KCNQ3: variants seen among roughly 807,000 people sequenced by gnomAD.
The protein encoded by KCNQ3 is potassium voltage-gated channel subfamily Q member 3.
KCNQ3 carries 30 observed loss-of-function variants against 92.5 expected under a neutral mutation model. The observed-to-expected ratio is 0.32, with a 90% CI of 0.24 to 0.44. The LOEUF is 0.44. KCNQ3 is among the 20% of genes least tolerant of loss of function. The pLI, the probability that KCNQ3 is intolerant of heterozygous loss-of-function variation, is 1.00. For missense variants in KCNQ3, 913 were observed against 1,140.3 expected (o/e 0.80, Z 2.87); for synonymous variants, 450 against 468.8 (o/e 0.96, Z 0.52).
intron 8 of KCNQ3, among the ~76,000 whole-genome samples, chr8:132,169,372 C>A (rs1385591136): frequency 6.6e-6 from 1 of 152,132 alleles, no homozygotes; most frequent in Non-Finnish European, 1.5e-5. Flanking sequence ...ATAATGAACT[C>A]GAATGCCTAG....
chr8:132,174,103 A>C, intron 6 of KCNQ3, 136 bp downstream of exon 6: 1 of 723,700 alleles, frequency 1.4e-6, no homozygotes, highest in South Asian at 1.5e-5. Context: ...AGGCAGGATC[A>C]TCATGCTTAA....
chr8:132,311,339 G>T (rs1352680027), intron 1 of KCNQ3, among the ~76,000 whole-genome samples: 2 of 150,884 alleles, frequency 1.3e-5, no homozygotes, highest in African/African-American at 4.9e-5. Flanking sequence ...ACAGCAAAAA[G>T]ATACCACCAA....
At chr8:132,456,464 GGTGTGT>G (rs34858367) in intron 1 of KCNQ3, among the ~76,000 whole-genome samples, 1 of 149,316 alleles carries the variant, frequency 6.7e-6, no homozygotes, top group Admixed American at 6.7e-5. Flanking sequence ...GGGGATTGAG[GGTGTGT>G]GTGTGTGTGT....
chr8:132,242,137 A>T (rs918841589), intron 1 of KCNQ3, among the ~76,000 whole-genome samples: 1 of 152,210 alleles, frequency 6.6e-6, no homozygotes, highest in African/African-American at 2.4e-5. Context: ...GTCATGTCGA[A>T]TGGCAAGTAC....
chr8:132,436,769 G>A (rs1302725710), intron 1 of KCNQ3, among the ~76,000 whole-genome samples: 1 of 152,114 alleles, frequency 6.6e-6, no homozygotes, highest in African/African-American at 2.4e-5. Context: ...TGTGCCAGGA[G>A]GATCAGGAAG....
intron 1 of KCNQ3, among the ~76,000 whole-genome samples, chr8:132,451,697 T>C (rs1334957227): frequency 2.0e-5 from 3 of 152,184 alleles, no homozygotes; most frequent in African/African-American, 7.2e-5. Flanking sequence ...CAGCAGAGGA[T>C]GAGTTTTGCA....
At chr8:132,235,974 G>A (rs1275696290) in intron 1 of KCNQ3, among the ~76,000 whole-genome samples, 4 of 152,190 alleles carry the variant, frequency 2.6e-5, no homozygotes, top group African/African-American at 4.8e-5. Context: ...TCCATGCTGG[G>A]CTTCTTCACA....
intron 1 of KCNQ3, among the ~76,000 whole-genome samples, chr8:132,353,229 C>T (rs61145755): frequency 0.013 from 2,002 of 151,856 alleles, 48 homozygotes; most frequent in African/African-American, 0.046. Flanking sequence ...TCCACAGCCC[C>T]CGACCCCCAG....
intron 1 of KCNQ3, among the ~76,000 whole-genome samples, chr8:132,359,941 C>T (rs1328140528): frequency 1.3e-5 from 2 of 152,194 alleles, no homozygotes; most frequent in African/African-American, 4.8e-5. Context: ...TCCATGCCTG[C>T]ACTGGCCCCT....
chr8:132,150,542 T>C, intron 9 of KCNQ3, among the ~76,000 whole-genome samples: 1 of 152,218 alleles, frequency 6.6e-6, no homozygotes, highest in Non-Finnish European at 1.5e-5. Flanking sequence ...CTCACCTTAA[T>C]TAAAAGTGGA....
At chr8:132,134,441 A>C in intron 12 of KCNQ3, 53 bp from the exon 13 acceptor site, 1 of 1,242,756 alleles carries the variant, frequency 8.0e-7, no homozygotes, top group Non-Finnish European at 1.2e-6. Flanking sequence ...TTGTTTTGAC[A>C]GGAAAACAAA....
chr8:132,145,815 A>G (rs552159838), intron 9 of KCNQ3, among the ~76,000 whole-genome samples: 1 of 152,330 alleles, frequency 6.6e-6, no homozygotes, highest in East Asian at 1.9e-4. Context: ...GAATTAGGAA[A>G]CCAGTTTCAG....
chr8:132,358,870 C>T (rs1819086846), intron 1 of KCNQ3, among the ~76,000 whole-genome samples: 2 of 152,274 alleles, frequency 1.3e-5, no homozygotes, highest in South Asian at 4.1e-4. Flanking sequence ...CCAAGGATCC[C>T]TGGCCTACAT....
At chr8:132,268,706 T>C (rs1306607136) in intron 1 of KCNQ3, among the ~76,000 whole-genome samples, 1 of 152,234 alleles carries the variant, frequency 6.6e-6, no homozygotes, top group Non-Finnish European at 1.5e-5. Flanking sequence ...GTGCAGGTTT[T>C]TGTGTGAACA....
rs571702936 is a variant in KCNQ3 at position 132,175,697 on chromosome 8, A to G, written c.778-89T>C. ...CCAGACACACCAGAGTTAGAGTCCAAGTTTACCAGCTCTGTGACTGTGGTC... is the reference window on the plus strand; with the variant it reads ...CCAGACACACCAGAGTTAGAGTCCAGGTTTACCAGCTCTGTGACTGTGGTC... On this transcript the variant is annotated intron_variant, in intron 4 of 14. Transcript: ENST00000388996. 98 of 1,252,026 alleles carry G rather than the reference A, an allele frequency of 7.8e-5. No individual in the cohort carries two copies. In the African/African-American group the frequency reaches 1.4e-3, roughly 18 times the overall value. The allele number at this position is 1,252,026 out of a possible 1,614,324, so 77.6% of individuals were successfully genotyped here.
intron 14 of KCNQ3, among the ~76,000 whole-genome samples, chr8:132,131,318 TAG>T (rs1388324580): frequency 2.0e-5 from 3 of 152,186 alleles, no homozygotes; most frequent in African/African-American, 4.8e-5. Flanking sequence ...TTATCTAATG[TAG>T]AGTTAGGCAG....
chr8:132,303,839 GAAAATATTATATGTGTAT>G (rs1817331297), intron 1 of KCNQ3, among the ~76,000 whole-genome samples: 3 of 148,650 alleles, frequency 2.0e-5, no homozygotes, highest in East Asian at 2.0e-4. Context: ...TGTACACACA[GAAAATATTATATGTGTAT>G]ATATACACAC....
intron 1 of KCNQ3, among the ~76,000 whole-genome samples, chr8:132,352,283 A>C (rs977698664): frequency 2.0e-5 from 3 of 151,748 alleles, no homozygotes; most frequent in African/African-American, 7.3e-5. Context: ...GATGATCTTG[A>C]CCCCCCAAGG....
intron 1 of KCNQ3, among the ~76,000 whole-genome samples, chr8:132,272,604 A>G (rs992817477): frequency 1.2e-4 from 18 of 152,182 alleles, no homozygotes; most frequent in Admixed American, 1.3e-4. Context: ...GAAGGAGCAA[A>G]TCACATCTTA....
Sources: allele counts gnomAD v4.1 joint callset (sites outside exome capture counted in the v4.1 genomes callset), GRCh38; gene constraint gnomAD v4.1.1; transcripts MANE v1.5; gene names NCBI Gene and HGNC (gene_info 2026-07-23, HGNC 2026-07-21).